The following TUBB8 variants were observed in gnomAD, a reference collection of about 807,000 sequenced individuals.
The protein encoded by TUBB8 is tubulin beta-8 chain.
In TUBB8, 25 loss-of-function variants were observed where a neutral mutation model predicts 33.7. The observed-to-expected ratio is 0.74, with a 90% confidence interval of 0.54 to 1.04. TUBB8 has a LOEUF of 1.04. Among genes scored for constraint, TUBB8 ranks in the 50% least tolerant of loss-of-function variants. The pLI is 0.00. For synonymous variants in TUBB8, 245 were observed against 240.1 expected (o/e 1.02, Z -0.19); for missense variants, 279 against 608.0 (o/e 0.46, Z 5.69).
chr10:53,049 A>C (rs1211778842), upstream of TUBB8, among the ~76,000 whole-genome samples: 2 of 152,252 alleles, frequency 1.3e-5, no homozygotes, highest in African/African-American at 2.4e-5. Flanking sequence ...AAAGTAAACA[A>C]AATGATTATA....
intron 1 of TUBB8, among the ~76,000 whole-genome samples, chr10:72,279 G>C (rs1190389999): frequency 1.3e-5 from 2 of 150,780 alleles, no homozygotes; most frequent in African/African-American, 4.9e-5. Context: ...AAGCAGCCAG[G>C]CGTGGTGGCT....
At chr10:73,464 A>C (rs1232260675) in intron 1 of TUBB8, among the ~76,000 whole-genome samples, 2 of 152,186 alleles carry the variant, frequency 1.3e-5, no homozygotes, top group Non-Finnish European at 1.5e-5. Context: ...ACCAACATGG[A>C]GAAACCCCGT....
At chr10:74,032 G>A (rs577930600) in exon 1 of TUBB8, 8 of 155,650 alleles carry the variant, frequency 5.1e-5, no homozygotes, top group African/African-American at 1.7e-4. Context: ...CGCGGCCCCA[G>A]GTGTCCCAAG....
chr10:65,750 A>AATC lies in TUBB8; in HGVS notation c.-846+8218_-846+8219insGAT, dbSNP rs542821278. Reference sequence around the variant, plus strand: ...CAAAAAAATTAAAAATAATAATAATAATAATGCCCAAGAAAATAATTGTAA... The same window carrying AATC: ...CAAAAAAATTAAAAATAATAATAATAATCATAATGCCCAAGAAAATAATTGTAA... On this transcript the variant is annotated intron_variant, in intron 1 of 3. Coordinates refer to the TUBB8 transcript ENST00000564130. Among the ~76,000 whole-genome samples, 104 of 152,288 alleles carry AATC rather than the reference A, an allele frequency of 6.8e-4. 2 individuals are homozygous for AATC. The Middle Eastern group carries it at 0.014, about 20-fold the overall frequency.
chr10:48,381 C>G, intron 3 of TUBB8: 2 of 635,194 alleles, frequency 3.1e-6, no homozygotes, highest in Non-Finnish European at 5.6e-6. Context: ...AGCCACGGCC[C>G]CAGCTCAGGT....
downstream of TUBB8, chr10:46,867 G>C (rs1834335818): frequency 4.1e-6 from 2 of 491,334 alleles, no homozygotes; most frequent in Non-Finnish European, 7.2e-6. Context: ...AGGGCCCATA[G>C]AAAGAAGATG....
chr10:56,882 T>G (rs1834538104), intron 1 of TUBB8, among the ~76,000 whole-genome samples: 1 of 152,198 alleles, frequency 6.6e-6, no homozygotes, highest in African/African-American at 2.4e-5. Flanking sequence ...CATTTCAGCC[T>G]TAACTCAAAA....
chr10:61,099 T>G (rs1834596586), intron 1 of TUBB8, among the ~76,000 whole-genome samples: 1 of 136,758 alleles, frequency 7.3e-6, no homozygotes, highest in Non-Finnish European at 1.6e-5. Context: ...GGGGGAGGGA[T>G]AGCACTGGGA....
In TUBB8 at chr10:48,038, G is replaced by C. The variant is rs75953774; in HGVS notation, c.354C>G (p.Asp118Glu). The C allele has an allele frequency of 6.2e-6, 10 of 1,606,502 alleles. No individual in the cohort carries two copies. The African/African-American group carries it at 1.2e-4, about 20-fold the overall frequency. ...AGCTCTCAGCCTCCTTTCTGACAAC[G>C]TCCATCACTGACTCCATCAGCTCCG... is the stretch of plus-strand genomic sequence containing the variant. ...EGAELMESVM[D>E]VVRKEAESCD... The change falls in exon 4 of 4, where the codon GAC becomes GAG. Residue 118 changes from aspartate to glutamate, a missense_variant. Asp to Glu is a conservative substitution (Grantham distance 45, BLOSUM62 2). Around this residue, in one of 4 missense-constraint regions of TUBB8, gnomAD observed 96 missense variants for 233.7 expected, o/e 0.41. Coordinates refer to ENST00000568584, the MANE Select transcript of TUBB8 (RefSeq NM_177987.3).
At chr10:72,255 A>AC (rs1168460063) in intron 1 of TUBB8, among the ~76,000 whole-genome samples, 1 of 41,960 alleles carries the variant, frequency 2.4e-5, no homozygotes, top group African/African-American at 9.9e-5. Context: ...TTTTTTAATT[A>AC]AAAAAAAAAA....
At chr10:50,191 C>G (rs1834448649), upstream of TUBB8, 1 of 152,384 alleles carries the variant, frequency 6.6e-6, no homozygotes, top group African/African-American at 2.4e-5. Context: ...ACAAAGCTCA[C>G]AGGGCTGAGT....
At chr10:65,009 A>G (rs797029504) in intron 1 of TUBB8, among the ~76,000 whole-genome samples, 15,671 of 143,454 alleles carry the variant, frequency 0.11, no homozygotes, top group African/African-American at 0.24. Flanking sequence ...ATAGTTGGGC[A>G]TGTTGGCACG....
intron 3 of TUBB8, 102 bp downstream of exon 3, chr10:48,513 G>A: frequency 2.6e-6 from 3 of 1,153,930 alleles, no homozygotes; most frequent in Non-Finnish European, 2.6e-6. Flanking sequence ...GGGTGTTCAG[G>A]GGCCCTAGCT....
At chr10:74,336 A>T (rs1384970731), upstream of TUBB8, among the ~76,000 whole-genome samples, 2 of 151,572 alleles carry the variant, frequency 1.3e-5, no homozygotes, top group Admixed American at 1.3e-4. Flanking sequence ...ACGCATGGAG[A>T]TAGCAATCGA....
chr10:66,031 A>G (rs1396761664), intron 1 of TUBB8, among the ~76,000 whole-genome samples: 2 of 152,242 alleles, frequency 1.3e-5, no homozygotes, highest in African/African-American at 4.8e-5. Flanking sequence ...CTTTAGCACA[A>G]TCTCCATTGT....
At chr10:51,732 C>G (rs1460743372), upstream of TUBB8, among the ~76,000 whole-genome samples, 1 of 27,140 alleles carries the variant, frequency 3.7e-5, no homozygotes. Context: ...AAATATTCTC[C>G]TATTATCCAC....
intron 1 of TUBB8, among the ~76,000 whole-genome samples, chr10:65,789 C>T (rs1177328678): frequency 6.6e-6 from 1 of 151,876 alleles, no homozygotes; most frequent in African/African-American, 2.4e-5. Context: ...CATACTAGCA[C>T]GTATTTTGAG....
At chr10:65,903 G>A (rs1554741551) in intron 1 of TUBB8, among the ~76,000 whole-genome samples, 1 of 152,192 alleles carries the variant, frequency 6.6e-6, no homozygotes, top group Non-Finnish European at 1.5e-5. Flanking sequence ...GAATAAAGAA[G>A]AAACCCACAT....
At chr10:62,088 C>A (rs1834609963) in intron 1 of TUBB8, among the ~76,000 whole-genome samples, 1 of 152,070 alleles carries the variant, frequency 6.6e-6, no homozygotes, top group Admixed American at 6.6e-5. Context: ...CATTCATGTA[C>A]ATTCAATGTT....
Sources: gnomAD v4.1 joint callset for allele counts (sites outside exome capture counted in the v4.1 genomes callset) on GRCh38, gnomAD v4.1.1 for gene constraint, gnomAD v4.1.1 regional missense constraint, MANE v1.5 for transcripts, NCBI Gene and HGNC (gene_info 2026-07-23, HGNC 2026-07-21) for gene names.